The following NPAS3 variants were observed in gnomAD, a reference collection of about 807,000 sequenced individuals.
NPAS3 encodes the protein neuronal PAS domain-containing protein 3.
Under a neutral mutation model 73.1 loss-of-function variants are expected in NPAS3, and 14 were observed. That is an observed-to-expected ratio of 0.19 (90% CI 0.13 to 0.30). The LOEUF (loss-of-function observed/expected upper bound fraction) is 0.30, where lower values mean the gene tolerates loss of function less well. Ranked by LOEUF, NPAS3 falls within the 10% of genes least tolerant of loss-of-function variation. The pLI, the probability that NPAS3 is intolerant of heterozygous loss-of-function variation, is 1.00. For synonymous variants in NPAS3, 620 were observed against 541.5 expected (o/e 1.14, Z -2.01); for missense variants, 1,096 against 1,250.0 (o/e 0.88, Z 1.86).
At chr14:33,636,903 G>GCACACACACACACACACACACACA (rs34527893) in intron 5 of NPAS3, among the ~76,000 whole-genome samples, 4 of 149,278 alleles carry the variant, frequency 2.7e-5, no homozygotes, top group East Asian at 4.0e-4. Context: ...CTCGGAGTGT[G>GCACACACACACACACACACACACA]CACACACACA....
In NPAS3 at chr14:33,628,212, G is replaced by T. The variant is rs183817841; in HGVS notation, c.559-47999G>T. Among the ~76,000 whole-genome samples, 231 of 152,230 alleles carry T rather than the reference G, an allele frequency of 1.5e-3. 1 individual carries two copies. The Middle Eastern group carries it at 0.031, about 20-fold the overall frequency. On this transcript the variant is annotated intron_variant, in intron 5 of 11. Coordinates refer to ENST00000356141, the Ensembl canonical transcript of NPAS3. ...TAAGATTTCTTTTTAAAATCAATAT[G>T]ATTTGCTATGGAGATCTGCTTATAA...
intron 5 of NPAS3, among the ~76,000 whole-genome samples, chr14:33,591,616 T>C (rs2057069603): frequency 6.6e-6 from 1 of 152,226 alleles, no homozygotes; most frequent in Admixed American, 6.5e-5. Context: ...CTAATCTCAG[T>C]TGATTCTCAC....
intron 1 of NPAS3, among the ~76,000 whole-genome samples, chr14:33,035,778 G>C (rs1017661147): frequency 2.2e-4 from 33 of 152,232 alleles, no homozygotes; most frequent in African/African-American, 7.9e-4. Context: ...TACCATTTGT[G>C]TTTTGCCCTC....
intron 3 of NPAS3, among the ~76,000 whole-genome samples, chr14:33,227,812 C>T (rs1334226704): frequency 6.6e-6 from 1 of 152,150 alleles, no homozygotes; most frequent in South Asian, 2.1e-4. Flanking sequence ...GTTCATGTAT[C>T]CCAGGCTAGA....
chr14:33,120,854 G>T (rs1385361379), intron 2 of NPAS3, among the ~76,000 whole-genome samples: 1 of 152,032 alleles, frequency 6.6e-6, no homozygotes, highest in African/African-American at 2.4e-5. Flanking sequence ...AGCTATTTTA[G>T]GACCTGCTAG....
At chr14:33,500,582 C>T (rs889955077) in intron 4 of NPAS3, among the ~76,000 whole-genome samples, 1 of 151,834 alleles carries the variant, frequency 6.6e-6, no homozygotes, top group African/African-American at 2.4e-5. Context: ...AAAAGAGTTA[C>T]CAGAGGAGAA....
At chr14:33,019,672 T>C (rs1331835250) in intron 1 of NPAS3, among the ~76,000 whole-genome samples, 1 of 152,216 alleles carries the variant, frequency 6.6e-6, no homozygotes, top group Non-Finnish European at 1.5e-5. Flanking sequence ...TACTGTGTAA[T>C]TGATGCAAGT....
chr14:33,519,333 C>T (rs1045934257), intron 4 of NPAS3, among the ~76,000 whole-genome samples: 1 of 152,098 alleles, frequency 6.6e-6, no homozygotes, highest in Non-Finnish European at 1.5e-5. Context: ...TCTTCTCGTG[C>T]CCAGCTTCCC....
rs140464588 is a variant in NPAS3, at chr14:33,486,765, T to C, written c.469-73356T>C. 6.6e-3 allele frequency among the ~76,000 whole-genome samples: 1,009 copies of C among 152,344 alleles called. 11 individuals carry two copies. Among genetic ancestry groups the C allele is most frequent in the African/African-American group, 0.023 (976 of 41,586 alleles). On this transcript the variant is annotated intron_variant, in intron 4 of 11. Coordinates refer to ENST00000356141, the Ensembl canonical transcript of NPAS3. ...CTCCTCAGGCAGGCCTGGGGACTCC[T>C]GCTTTTAGAATGTAATTTTTCTTCA...
chr14:33,225,252 A>G (rs1021317287), intron 3 of NPAS3, among the ~76,000 whole-genome samples: 8 of 152,242 alleles, frequency 5.3e-5, no homozygotes, highest in Non-Finnish European at 8.8e-5. Flanking sequence ...ATAGAGAGTC[A>G]TACATAAGTT....
chr14:33,721,271 A>G (rs2061102520), intron 6 of NPAS3, among the ~76,000 whole-genome samples: 1 of 152,150 alleles, frequency 6.6e-6, no homozygotes, highest in South Asian at 2.1e-4. Flanking sequence ...GGGGAGAGGT[A>G]TTCTGTTAGA....
intron 2 of NPAS3, among the ~76,000 whole-genome samples, chr14:33,120,775 T>C (rs1414057933): frequency 1.3e-5 from 2 of 152,108 alleles, no homozygotes; most frequent in Non-Finnish European, 2.9e-5. Context: ...CATTGGTTTT[T>C]TTAAGGCTAT....
intron 6 of NPAS3, among the ~76,000 whole-genome samples, chr14:33,690,271 C>CA (rs2060199482): frequency 6.6e-6 from 1 of 152,132 alleles, no homozygotes; most frequent in South Asian, 2.1e-4. Flanking sequence ...TCCAGTTCAT[C>CA]ACTAATCTTG....
At chr14:33,063,786 C>T (rs1363211234) in intron 2 of NPAS3, among the ~76,000 whole-genome samples, 1 of 152,168 alleles carries the variant, frequency 6.6e-6, no homozygotes, top group Admixed American at 6.5e-5. Context: ...ACCATAAAAA[C>T]ACTAATCATG....
chr14:33,033,449 A>C (rs2040063710), intron 1 of NPAS3, among the ~76,000 whole-genome samples: 1 of 152,156 alleles, frequency 6.6e-6, no homozygotes, highest in South Asian at 2.1e-4. Flanking sequence ...ACTGCACTCC[A>C]GCCTGGGCAA....
At chr14:33,086,522 A>C (rs1272159004) in intron 2 of NPAS3, among the ~76,000 whole-genome samples, 1 of 152,192 alleles carries the variant, frequency 6.6e-6, no homozygotes, top group Admixed American at 6.5e-5. Context: ...TTGTACAGAA[A>C]GAAGCGGCAG....
intron 1 of NPAS3, among the ~76,000 whole-genome samples, chr14:33,051,276 G>A (rs1171568537): frequency 1.1e-3 from 63 of 57,926 alleles, no homozygotes; most frequent in African/African-American, 9.1e-3. Flanking sequence ...GCGAGACTCC[G>A]TCTCAAAAAA....
chr14:33,303,151 A>G (rs1472469564), intron 3 of NPAS3, among the ~76,000 whole-genome samples: 1 of 151,912 alleles, frequency 6.6e-6, no homozygotes, highest in Non-Finnish European at 1.5e-5. Flanking sequence ...TCCTTTTTTC[A>G]GTCCTGAAAA....
At chr14:33,159,609 A>G (rs1595573458) in intron 2 of NPAS3, among the ~76,000 whole-genome samples, 1 of 139,048 alleles carries the variant, frequency 7.2e-6, no homozygotes, top group African/African-American at 2.7e-5. Context: ...GCTGGAGTGC[A>G]GTGGCGCAAT....
Sources: gnomAD v4.1 joint callset for allele counts (sites outside exome capture counted in the v4.1 genomes callset) on GRCh38, gnomAD v4.1.1 for gene constraint, MANE v1.5 for transcripts, NCBI Gene and HGNC (gene_info 2026-07-23, HGNC 2026-07-21) for gene names.